EDIL3: variants seen among roughly 807,000 people sequenced by gnomAD.
The protein encoded by EDIL3 is EGF-like repeat and discoidin I-like domain-containing protein 3.
EDIL3 carries 37 observed loss-of-function variants against 67.4 expected under a neutral mutation model. The ratio of observed to expected loss-of-function variants is 0.55; its 90% CI spans 0.42 to 0.72. The LOEUF is 0.72. Among genes scored for constraint, EDIL3 ranks in the 30% least tolerant of loss-of-function variants. The pLI is 0.00. For missense variants in EDIL3, 527 were observed against 586.3 expected (o/e 0.90, Z 1.04); for synonymous variants, 195 against 196.3 (o/e 0.99, Z 0.05).
intron 1 of EDIL3, among the ~76,000 whole-genome samples, chr5:84,338,049 T>C (rs926679818): frequency 9.9e-5 from 15 of 152,166 alleles, no homozygotes; most frequent in Admixed American, 3.9e-4. Flanking sequence ...TAATTGGGCA[T>C]AAAAATACAC....
chr5:84,053,967 C>A (rs1390640096), intron 9 of EDIL3, among the ~76,000 whole-genome samples: 1 of 152,128 alleles, frequency 6.6e-6, no homozygotes, highest in African/African-American at 2.4e-5. Context: ...ATGAGGCCAG[C>A]ATCATCCTGA....
At chr5:84,018,109 A>T (rs560280001) in intron 9 of EDIL3, among the ~76,000 whole-genome samples, 70 of 152,288 alleles carry the variant, frequency 4.6e-4, no homozygotes, top group African/African-American at 1.7e-3. Context: ...TGGCTACACA[A>T]ATCTGTAACC....
At chr5:84,378,985 G>A (rs1324380440) in intron 1 of EDIL3, among the ~76,000 whole-genome samples, 1 of 152,092 alleles carries the variant, frequency 6.6e-6, no homozygotes. Context: ...TTTTACAGTA[G>A]ATGTTGTGTC....
intron 6 of EDIL3, among the ~76,000 whole-genome samples, chr5:84,083,321 C>T (rs1432774459): frequency 6.6e-6 from 1 of 152,030 alleles, no homozygotes; most frequent in Non-Finnish European, 1.5e-5. Flanking sequence ...AGATGAGAAG[C>T]AAAAGCCTGG....
rs532485400 is a variant in EDIL3 at position 84,108,469 on chromosome 5, AC to A, written c.470-1640del. On this transcript the variant is annotated intron_variant, in intron 5 of 10. Transcript: ENST00000296591. ...ACTGCTTAGCACTTTATGAAAGTATACTATATCACTTTAGAATCATTAAATT... is the reference window on the plus strand; with the variant it reads ...ACTGCTTAGCACTTTATGAAAGTATATATATCACTTTAGAATCATTAAATT... Among the ~76,000 whole-genome samples, 41 of 152,284 alleles carry A rather than the reference AC, an allele frequency of 2.7e-4. No individual in the cohort carries two copies. The South Asian group carries it at 8.5e-3, about 32-fold the overall frequency.
chr5:84,154,787 C>A (rs528944807), intron 4 of EDIL3, among the ~76,000 whole-genome samples: 321 of 150,098 alleles, frequency 2.1e-3, no homozygotes, highest in Non-Finnish European at 3.3e-3. Flanking sequence ...GCAACCTCTG[C>A]CTCCCAGGTT....
At chr5:84,273,121 CAGA>C (rs1474264170) in intron 1 of EDIL3, among the ~76,000 whole-genome samples, 1 of 152,066 alleles carries the variant, frequency 6.6e-6, no homozygotes, top group Admixed American at 6.5e-5. Flanking sequence ...CCATGATATC[CAGA>C]AGAAGTCAGG....
chr5:84,371,341 A>ATATATATATATATATGTGTGTG (rs1008172581), intron 1 of EDIL3, among the ~76,000 whole-genome samples: 21 of 129,696 alleles, frequency 1.6e-4, no homozygotes, highest in African/African-American at 5.7e-4. Context: ...ATATATATAT[A>ATATATATATATATATGTGTGTG]TGTGTGTGTG....
intron 9 of EDIL3, among the ~76,000 whole-genome samples, chr5:83,984,993 C>T (rs111472413): frequency 2.0e-5 from 3 of 151,654 alleles, no homozygotes; most frequent in African/African-American, 4.8e-5. Flanking sequence ...TAAACATGCA[C>T]GCTGAACAAG....
intron 1 of EDIL3, among the ~76,000 whole-genome samples, chr5:84,367,279 T>A (rs1747758621): frequency 6.7e-6 from 1 of 149,694 alleles, no homozygotes; most frequent in Admixed American, 6.7e-5. Flanking sequence ...TTTAATGACT[T>A]TTTTTTTTTG....
intron 1 of EDIL3, among the ~76,000 whole-genome samples, chr5:84,334,617 G>A (rs765274352): frequency 2.0e-5 from 3 of 151,908 alleles, no homozygotes; most frequent in Non-Finnish European, 2.9e-5. Context: ...TATGTGCTAG[G>A]CAAAAACAAT....
chr5:84,203,579 T>A (rs903379410), intron 3 of EDIL3, among the ~76,000 whole-genome samples: 1 of 152,312 alleles, frequency 6.6e-6, no homozygotes, highest in Admixed American at 6.5e-5. Context: ...AATATTCAAG[T>A]GATCTTCAGG....
Position 84,384,470 on chromosome 5 carries a change from C to T in EDIL3, c.-96G>A, listed in dbSNP as rs1043998276. On this transcript the variant is annotated 5_prime_UTR_variant, in exon 1 of 11. Coordinates refer to ENST00000296591, the MANE Select transcript of EDIL3 (RefSeq NM_005711.5). The stretch of plus-strand genomic sequence containing the variant: ...GCGCAGGGCAGCAGCAGACTCCGCC[C>T]CTACTAAAGAATTCAAGAAGACGTT... 9.3e-6 allele frequency: 11 copies of T among 1,181,302 alleles called. No individual in the cohort carries two copies. The highest frequency in any genetic ancestry group is 9.3e-5 in the African/African-American group (6 of 64,804). The allele number at this position is 1,181,302 out of a possible 1,614,324, so 73.2% of individuals were successfully genotyped here. A position where few individuals can be genotyped will look rare whatever the true frequency, so the allele number is the denominator to read the frequency against.
chr5:84,356,524 C>T (rs984962011), intron 1 of EDIL3, among the ~76,000 whole-genome samples: 1 of 152,216 alleles, frequency 6.6e-6, no homozygotes, highest in Admixed American at 6.5e-5. Context: ...CTTCTTCTTC[C>T]ATCACATCTC....
At chr5:84,312,414 G>T (rs1373491380) in intron 1 of EDIL3, among the ~76,000 whole-genome samples, 6 of 136,826 alleles carry the variant, frequency 4.4e-5, no homozygotes, top group African/African-American at 1.6e-4. Flanking sequence ...CGGACGGGGC[G>T]GCTGGCCGGG....
At chr5:84,179,658 T>C (rs1479347824) in intron 4 of EDIL3, among the ~76,000 whole-genome samples, 1 of 152,130 alleles carries the variant, frequency 6.6e-6, no homozygotes, top group Non-Finnish European at 1.5e-5. Context: ...CATTCCCCTG[T>C]CTCTGATCAA....
intron 4 of EDIL3, among the ~76,000 whole-genome samples, chr5:84,150,507 C>T (rs1748370553): frequency 6.6e-6 from 1 of 151,984 alleles, no homozygotes; most frequent in Admixed American, 6.6e-5. Context: ...AAAGAATATA[C>T]ATAAGAGTGG....
intron 5 of EDIL3, among the ~76,000 whole-genome samples, chr5:84,132,937 T>C (rs944103718): frequency 1.3e-5 from 2 of 152,166 alleles, no homozygotes; most frequent in Admixed American, 1.3e-4. Context: ...TTTGTTTGTT[T>C]GTTTGTCATA....
chr5:83,996,995 A>G (rs1330310999), intron 9 of EDIL3, among the ~76,000 whole-genome samples: 1 of 152,218 alleles, frequency 6.6e-6, no homozygotes, highest in East Asian at 1.9e-4. Context: ...GCAGGAAGAC[A>G]GCCTTCTAGG....
Sources: allele counts gnomAD v4.1 joint callset (sites outside exome capture counted in the v4.1 genomes callset), GRCh38; gene constraint gnomAD v4.1.1; transcripts MANE v1.5; gene names NCBI Gene and HGNC (gene_info 2026-07-23, HGNC 2026-07-21).